The following ROBO2 variants were observed in gnomAD, a reference collection of about 807,000 sequenced individuals.
The protein encoded by ROBO2 is roundabout guidance receptor 2.
In ROBO2, 53 loss-of-function variants were observed where a neutral mutation model predicts 160.8. The ratio of observed to expected loss-of-function variants is 0.33; its 90% CI spans 0.26 to 0.41. The LOEUF is 0.41. ROBO2 is among the 10% of genes least tolerant of loss of function. The probability of loss-of-function intolerance (pLI) is 1.00; values close to 1 mark genes in which losing one functional copy is unlikely to be tolerated. For missense variants in ROBO2, 1,577 were observed against 1,722.4 expected (o/e 0.92, Z 1.49); for synonymous variants, 664 against 611.7 (o/e 1.09, Z -1.26).
At chr3:76,759,887 C>T (rs544445838) in intron 2 of ROBO2, among the ~76,000 whole-genome samples, 2 of 151,908 alleles carry the variant, frequency 1.3e-5, no homozygotes, top group East Asian at 2.0e-4. Flanking sequence ...ATTCTCTTCA[C>T]TTAGGCCCTG....
At chr3:76,622,224 AAGGAAGG>A in intron 2 of ROBO2, among the ~76,000 whole-genome samples, 5 of 55,914 alleles carry the variant, frequency 8.9e-5, no homozygotes, top group African/African-American at 3.3e-4. Context: ...GGAAGGAAGG[AAGGAAGG>A]AAGGAAGAAA....
chr3:77,120,298 A>G (rs2074624041), intron 2 of ROBO2, among the ~76,000 whole-genome samples: 1 of 152,204 alleles, frequency 6.6e-6, no homozygotes. Context: ...TAGCAATCTA[A>G]TAACTTTACT....
intron 2 of ROBO2, among the ~76,000 whole-genome samples, chr3:76,703,671 T>C (rs1207254082): frequency 6.6e-6 from 1 of 152,124 alleles, no homozygotes; most frequent in Non-Finnish European, 1.5e-5. Context: ...GCTTCATCCA[T>C]GTCTCTGAAA....
At chr3:76,619,988 A>G (rs997875415) in intron 2 of ROBO2, among the ~76,000 whole-genome samples, 3 of 152,194 alleles carry the variant, frequency 2.0e-5, no homozygotes, top group African/African-American at 7.2e-5. Flanking sequence ...TGCTTGGCTT[A>G]AGGCTTGGAA....
chr3:77,316,620 C>A, intron 2 of ROBO2: 4 of 569,996 alleles, frequency 7.0e-6, no homozygotes, highest in South Asian at 5.7e-5. Context: ...AAAGCAGAAT[C>A]ATCTTTAACC....
At chr3:77,102,304 G>T (rs758401414) in intron 2 of ROBO2, among the ~76,000 whole-genome samples, 2 of 151,978 alleles carry the variant, frequency 1.3e-5, no homozygotes, top group Non-Finnish European at 2.9e-5. Flanking sequence ...TGTGTGTTGC[G>T]TGGGTGGGTG....
chr3:77,525,356 G>A (rs751765324), intron 6 of ROBO2, among the ~76,000 whole-genome samples: 1 of 149,382 alleles, frequency 6.7e-6, no homozygotes. Flanking sequence ...TGGGGAAAAG[G>A]TAAGAGAGTT....
At chr3:77,615,267 T>C (rs1408925615) in intron 21 of ROBO2, among the ~76,000 whole-genome samples, 3 of 152,162 alleles carry the variant, frequency 2.0e-5, no homozygotes, top group East Asian at 1.9e-4. Flanking sequence ...CCCCCACATA[T>C]TGATAGCCTC....
chr3:76,257,082 T>TAACATTAGGGATTACAGCTCAC, intron 2 of ROBO2, among the ~76,000 whole-genome samples: 1 of 151,872 alleles, frequency 6.6e-6, no homozygotes, highest in South Asian at 2.1e-4. Flanking sequence ...TTACAACTCA[T>TAACATTAGGGATTACAGCTCAC]AACATTAGGG....
At chr3:76,935,024 C>T (rs905748074) in intron 2 of ROBO2, among the ~76,000 whole-genome samples, 3 of 147,920 alleles carry the variant, frequency 2.0e-5, no homozygotes, top group Admixed American at 1.4e-4. Context: ...CTGATAACTG[C>T]TCACTGCAGT....
chr3:75,984,030 T>A (rs1474822781), intron 2 of ROBO2, among the ~76,000 whole-genome samples: 1 of 151,426 alleles, frequency 6.6e-6, no homozygotes, highest in Non-Finnish European at 1.5e-5. Context: ...GGGAGATACC[T>A]AAATATTTCC....
chr3:77,569,998 G>A (rs138391543), intron 13 of ROBO2, among the ~76,000 whole-genome samples: 40 of 151,824 alleles, frequency 2.6e-4, no homozygotes, highest in African/African-American at 6.5e-4. Context: ...ACACAATTAC[G>A]TTATTATTTT....
chr3:76,478,929 C>T (rs946367498), intron 2 of ROBO2, among the ~76,000 whole-genome samples: 7 of 152,038 alleles, frequency 4.6e-5, no homozygotes, highest in Non-Finnish European at 1.0e-4. Flanking sequence ...TCCCAAAATC[C>T]TGGGTTTACA....
At chr3:76,632,391 G>A (rs571509612) in intron 2 of ROBO2, among the ~76,000 whole-genome samples, 2 of 152,290 alleles carry the variant, frequency 1.3e-5, no homozygotes, top group South Asian at 4.1e-4. Context: ...ATCAAGGAAG[G>A]GTCTCAAGCC....
chr3:75,934,481 T>A (rs966322309), intron 1 of ROBO2, among the ~76,000 whole-genome samples: 2 of 152,224 alleles, frequency 1.3e-5, no homozygotes, highest in African/African-American at 4.8e-5. Context: ...ATTACTTGTT[T>A]TATCTTTCAT....
At chr3:76,484,909 C>A (rs987113588) in intron 2 of ROBO2, among the ~76,000 whole-genome samples, 1 of 151,928 alleles carries the variant, frequency 6.6e-6, no homozygotes, top group African/African-American at 2.4e-5. Flanking sequence ...GACATTTTTT[C>A]TCAATCCTGT....
At chr3:77,230,368 G>A (rs935188849) in intron 2 of ROBO2, among the ~76,000 whole-genome samples, 1 of 152,138 alleles carries the variant, frequency 6.6e-6, no homozygotes, top group Non-Finnish European at 1.5e-5. Flanking sequence ...ACAGACGTGA[G>A]CCACCACACC....
At chr3:77,477,307 G>A in intron 2 of ROBO2, 107 bp from the exon 3 acceptor site, 1 of 1,138,064 alleles carries the variant, frequency 8.8e-7, no homozygotes. Context: ...AAAAATCCAG[G>A]CAATTTTTAC....
At chr3:76,666,112 T>C (rs5014924) in intron 2 of ROBO2, among the ~76,000 whole-genome samples, 1 of 148,490 alleles carries the variant, frequency 6.7e-6, no homozygotes, top group East Asian at 2.0e-4. Flanking sequence ...TTCCTATAGC[T>C]GTAAATATAG....
Sources: allele counts gnomAD v4.1 joint callset (sites outside exome capture counted in the v4.1 genomes callset), GRCh38; gene constraint gnomAD v4.1.1; transcripts MANE v1.5; gene names NCBI Gene and HGNC (gene_info 2026-07-23, HGNC 2026-07-21).